The following LRRC4C variants were observed in gnomAD, a reference collection of about 807,000 sequenced individuals.
The protein encoded by LRRC4C is leucine rich repeat containing 4C.
In LRRC4C, 5 loss-of-function variants were observed where a neutral mutation model predicts 33.6. That is an observed-to-expected ratio of 0.15 (90% CI 0.08 to 0.31). LRRC4C has a LOEUF of 0.31. Among genes scored for constraint, LRRC4C ranks in the 10% least tolerant of loss-of-function variants. LRRC4C has a pLI of 1.00. For missense variants in LRRC4C, 560 were observed against 796.7 expected (o/e 0.70, Z 3.58); for synonymous variants, 329 against 302.0 (o/e 1.09, Z -0.93).
chr11:40,336,145 CA>C (rs1204226636), intron 3 of LRRC4C, among the ~76,000 whole-genome samples: 1 of 152,196 alleles, frequency 6.6e-6, no homozygotes, highest in Non-Finnish European at 1.5e-5. Flanking sequence ...GCAGTCAAAA[CA>C]AAATCCCTGC....
chr11:41,413,707 G>C (rs1591465206), intron 1 of LRRC4C, among the ~76,000 whole-genome samples: 1 of 152,138 alleles, frequency 6.6e-6, no homozygotes, highest in African/African-American at 2.4e-5. Context: ...CACATCTATG[G>C]CATAAAAGTA....
intron 3 of LRRC4C, among the ~76,000 whole-genome samples, chr11:40,415,672 C>G (rs924808132): frequency 6.6e-6 from 1 of 152,132 alleles, no homozygotes; most frequent in East Asian, 1.9e-4. Flanking sequence ...TCTTATTTTT[C>G]TTGCTCATGT....
intron 5 of LRRC4C, among the ~76,000 whole-genome samples, chr11:40,141,798 G>A (rs957214535): frequency 6.6e-6 from 1 of 152,210 alleles, no homozygotes; most frequent in African/African-American, 2.4e-5. Flanking sequence ...ATCTGATGGT[G>A]TAAGCTTCAC....
intron 3 of LRRC4C, among the ~76,000 whole-genome samples, chr11:40,612,234 G>T (rs926806805): frequency 6.6e-6 from 1 of 151,846 alleles, no homozygotes; most frequent in Non-Finnish European, 1.5e-5. Context: ...CTTATCAGCT[G>T]CTACTACATT....
intron 2 of LRRC4C, among the ~76,000 whole-genome samples, chr11:40,813,192 A>G (rs148525827): frequency 2.6e-3 from 399 of 152,252 alleles, no homozygotes; most frequent in African/African-American, 8.9e-3. Flanking sequence ...ATATTACAGT[A>G]CATGCCTGTA....
intron 1 of LRRC4C, among the ~76,000 whole-genome samples, chr11:40,965,549 G>A (rs1851291576): frequency 6.6e-6 from 1 of 152,094 alleles, no homozygotes; most frequent in Admixed American, 6.6e-5. Flanking sequence ...TTTTGTATAA[G>A]GTGTAAGGAA....
intron 3 of LRRC4C, among the ~76,000 whole-genome samples, chr11:40,480,093 G>A (rs1234588940): frequency 2.0e-5 from 3 of 152,066 alleles, no homozygotes; most frequent in Non-Finnish European, 2.9e-5. Context: ...GTACCATAAG[G>A]AAAGCCACCC....
intron 1 of LRRC4C, among the ~76,000 whole-genome samples, chr11:41,098,412 C>A (rs947731735): frequency 5.9e-5 from 9 of 152,082 alleles, no homozygotes; most frequent in African/African-American, 2.2e-4. Flanking sequence ...ACAAAAGATT[C>A]ATTAACCCCA....
chr11:40,643,911 C>T (rs1942274041), intron 3 of LRRC4C, among the ~76,000 whole-genome samples: 1 of 152,130 alleles, frequency 6.6e-6, no homozygotes, highest in Admixed American at 6.5e-5. Flanking sequence ...TATCCAGAAT[C>T]TCATAATATC....
intron 2 of LRRC4C, among the ~76,000 whole-genome samples, chr11:40,664,025 G>A (rs1307463092): frequency 6.6e-6 from 1 of 152,138 alleles, no homozygotes; most frequent in Admixed American, 6.5e-5. Flanking sequence ...CCTTTACAGA[G>A]CATTTGAAGC....
chr11:41,253,272 A>G (rs1057093376), intron 1 of LRRC4C, among the ~76,000 whole-genome samples: 3 of 152,144 alleles, frequency 2.0e-5, no homozygotes, highest in African/African-American at 4.8e-5. Context: ...ACACAACCAC[A>G]GAATTCTCTT....
At chr11:40,973,315 A>G (rs893478576) in intron 1 of LRRC4C, among the ~76,000 whole-genome samples, 1 of 152,154 alleles carries the variant, frequency 6.6e-6, no homozygotes, top group Non-Finnish European at 1.5e-5. Flanking sequence ...GCTAACTGAT[A>G]AGAAGACAGA....
At chr11:41,159,387 G>C (rs568529436) in intron 1 of LRRC4C, among the ~76,000 whole-genome samples, 1 of 152,026 alleles carries the variant, frequency 6.6e-6, no homozygotes, top group African/African-American at 2.4e-5. Flanking sequence ...GAGCAAATTA[G>C]GAAGCTGAAG....
rs545926800 is a variant in LRRC4C at position 40,434,639 on chromosome 11, C to T, written c.-269-114918G>A. Among the ~76,000 whole-genome samples the T allele has an allele frequency of 6.0e-4, 92 of 152,306 alleles. 4 individuals carry two copies. In the South Asian group the frequency reaches 0.018, roughly 30 times the overall value. On this transcript the variant is annotated intron_variant, in intron 3 of 6. Transcript: ENST00000528697. Reference sequence around the variant, plus strand: ...AGGTGGGGAAAAAATGCCAGACCTACACTTATCTTTTCTGCTATATCTGCA... The same window carrying T: ...AGGTGGGGAAAAAATGCCAGACCTATACTTATCTTTTCTGCTATATCTGCA...
At chr11:40,373,817 C>T (rs1012438821) in intron 3 of LRRC4C, among the ~76,000 whole-genome samples, 3 of 152,126 alleles carry the variant, frequency 2.0e-5, no homozygotes, top group Non-Finnish European at 2.9e-5. Context: ...TCTGTTTTGC[C>T]TTCTGCCACA....
At chr11:40,693,953 G>A (rs1014630722) in intron 2 of LRRC4C, among the ~76,000 whole-genome samples, 5 of 152,054 alleles carry the variant, frequency 3.3e-5, no homozygotes, top group Non-Finnish European at 7.4e-5. Flanking sequence ...CACACTTTAT[G>A]CTGCATCCTG....
chr11:41,082,195 T>C (rs1264160151), intron 1 of LRRC4C, among the ~76,000 whole-genome samples: 2 of 152,092 alleles, frequency 1.3e-5, no homozygotes, highest in African/African-American at 2.4e-5. Flanking sequence ...CTCAGACAAA[T>C]ACATGAAGTG....
At chr11:41,340,554 A>G (rs868675587) in intron 1 of LRRC4C, among the ~76,000 whole-genome samples, 1 of 152,166 alleles carries the variant, frequency 6.6e-6, no homozygotes. Flanking sequence ...AGAGGAGACT[A>G]ATTTAGATGA....
intron 2 of LRRC4C, among the ~76,000 whole-genome samples, chr11:40,922,927 T>A (rs1178071793): frequency 6.6e-6 from 1 of 152,126 alleles, no homozygotes; most frequent in African/African-American, 2.4e-5. Flanking sequence ...CCGGTTCAAG[T>A]GATTCTCATG....
Sources: gnomAD v4.1 joint callset for allele counts (sites outside exome capture counted in the v4.1 genomes callset) on GRCh38, gnomAD v4.1.1 for gene constraint, MANE v1.5 for transcripts, NCBI Gene and HGNC (gene_info 2026-07-23, HGNC 2026-07-21) for gene names.